The following SIL1 variants were observed in gnomAD, a reference collection of about 807,000 sequenced individuals.
SIL1 encodes SIL1 nucleotide exchange factor.
Under a neutral mutation model 49.1 loss-of-function variants are expected in SIL1, and 40 were observed. The ratio of observed to expected loss-of-function variants is 0.81; its 90% CI spans 0.63 to 1.06. SIL1 has a LOEUF of 1.06. Ranked by LOEUF, SIL1 falls within the 50% of genes least tolerant of loss-of-function variation. The pLI, the probability that SIL1 is intolerant of heterozygous loss-of-function variation, is 0.00. For missense variants in SIL1, 500 were observed against 572.6 expected (o/e 0.87, Z 1.29); for synonymous variants, 253 against 250.8 (o/e 1.01, Z -0.08).
At chr5:139,172,611 A>C (rs557200630) in intron 1 of SIL1, among the ~76,000 whole-genome samples, 4 of 150,972 alleles carry the variant, frequency 2.6e-5, no homozygotes, top group African/African-American at 9.7e-5. Context: ...CCGGCCGGGG[A>C]ATAGCGTGAG....
chr5:139,170,012 G>A (rs567374241), intron 1 of SIL1, among the ~76,000 whole-genome samples: 8 of 152,320 alleles, frequency 5.3e-5, no homozygotes, highest in Non-Finnish European at 8.8e-5. Context: ...GATTACAGGC[G>A]CGTGCTGCCA....
intron 3 of SIL1, among the ~76,000 whole-genome samples, chr5:139,082,981 A>G (rs1310308629): frequency 6.6e-6 from 1 of 152,228 alleles, no homozygotes; most frequent in Non-Finnish European, 1.5e-5. Flanking sequence ...CTCAAAAAGC[A>G]CTGAAGCAGC....
intron 4 of SIL1, among the ~76,000 whole-genome samples, chr5:139,044,058 T>C (rs925091465): frequency 2.6e-5 from 4 of 152,226 alleles, no homozygotes; most frequent in Non-Finnish European, 5.9e-5. Context: ...TTTAGGGCTC[T>C]GAGAAGAACA....
intron 6 of SIL1, among the ~76,000 whole-genome samples, chr5:139,023,567 A>T (rs1368085501): frequency 2.6e-5 from 4 of 152,242 alleles, no homozygotes; most frequent in Non-Finnish European, 4.4e-5. Context: ...CTGTTTCCAC[A>T]CACAAGGTTT....
At chr5:139,032,819 T>G (rs1307575276) in intron 5 of SIL1, 1 of 152,224 alleles carries the variant, frequency 6.6e-6, no homozygotes, top group African/African-American at 2.4e-5. Flanking sequence ...GACTATTTCA[T>G]GAAAGTTATC....
intron 1 of SIL1, among the ~76,000 whole-genome samples, chr5:139,160,054 A>G (rs1306061495): frequency 6.6e-6 from 1 of 151,962 alleles, no homozygotes; most frequent in Non-Finnish European, 1.5e-5. Flanking sequence ...CTGAGGTACC[A>G]TTACATGACA....
At chr5:139,099,755 A>G (rs1303942113) in intron 3 of SIL1, among the ~76,000 whole-genome samples, 1 of 152,226 alleles carries the variant, frequency 6.6e-6, no homozygotes, top group Admixed American at 6.5e-5. Context: ...TACAGCAGGT[A>G]GAAGGATGGT....
chr5:139,056,712 C>T (rs1241284642), intron 3 of SIL1, among the ~76,000 whole-genome samples: 3 of 150,488 alleles, frequency 2.0e-5, no homozygotes, highest in African/African-American at 4.9e-5. Context: ...CAGCCCCCCG[C>T]CCGGCCAGCC....
In SIL1 at chr5:139,126,464, T is replaced by C. The variant is rs146152848; in HGVS notation, c.105+1275A>G. On this transcript the variant is annotated intron_variant, in intron 2 of 9. Coordinates refer to ENST00000394817, the MANE Select transcript of SIL1 (RefSeq NM_022464.5). The stretch of plus-strand genomic sequence containing the variant: ...TGGGGAGCATGGCATCCTCATGAGG[T>C]ACAAGTTGGGGAGGGGACACAGCCC... Among the ~76,000 whole-genome samples the C allele has an allele frequency of 3.0e-4, 45 of 152,306 alleles. No homozygotes were observed. The East Asian group carries it at 6.9e-3, about 23-fold the overall frequency.
chr5:139,161,832 G>T (rs936020872), intron 1 of SIL1, among the ~76,000 whole-genome samples: 2 of 151,794 alleles, frequency 1.3e-5, no homozygotes, highest in African/African-American at 4.8e-5. Context: ...GGGCAACATG[G>T]CAAAACCCCA....
intron 1 of SIL1, among the ~76,000 whole-genome samples, chr5:139,191,759 C>T (rs1465574852): frequency 1.3e-5 from 2 of 152,166 alleles, no homozygotes; most frequent in African/African-American, 4.8e-5. Flanking sequence ...CCACTATACT[C>T]CAGCGTGGGC....
intron 1 of SIL1, among the ~76,000 whole-genome samples, chr5:139,153,196 TC>T (rs1751341848): frequency 6.6e-6 from 1 of 152,086 alleles, no homozygotes; most frequent in Admixed American, 6.6e-5. Context: ...CACATGTCAT[TC>T]CCTCTGCTTG....
At chr5:139,098,809 CTTTTTTTT>C (rs59863544) in intron 3 of SIL1, among the ~76,000 whole-genome samples, 1,098 of 89,106 alleles carry the variant, frequency 0.012, 17 homozygotes, top group East Asian at 0.034. Context: ...TTTTCTTACT[CTTTTTTTT>C]TTTTTTTTTT....
At chr5:139,025,311 A>C (rs1054387399) in intron 6 of SIL1, among the ~76,000 whole-genome samples, 5 of 152,220 alleles carry the variant, frequency 3.3e-5, no homozygotes, top group African/African-American at 1.2e-4. Context: ...TTAGGGTCAG[A>C]CAGACCTTGC....
At chr5:138,987,162 C>T (rs966253727) in intron 7 of SIL1, among the ~76,000 whole-genome samples, 19 of 149,278 alleles carry the variant, frequency 1.3e-4, no homozygotes, top group African/African-American at 4.7e-4. Flanking sequence ...GCTCTGTCAC[C>T]CAGGCTGGAG....
intron 3 of SIL1, among the ~76,000 whole-genome samples, chr5:139,117,354 T>G (rs1348383419): frequency 6.6e-6 from 1 of 152,160 alleles, no homozygotes; most frequent in African/African-American, 2.4e-5. Context: ...GAGACTCAGT[T>G]GTATCTGTAA....
intron 1 of SIL1, among the ~76,000 whole-genome samples, chr5:139,157,709 G>A (rs148278495): frequency 6.6e-6 from 1 of 152,310 alleles, no homozygotes; most frequent in East Asian, 1.9e-4. Flanking sequence ...AAATAATGAT[G>A]TCTTGGTAAC....
At chr5:139,028,777 G>A (rs1768720891) in intron 5 of SIL1, among the ~76,000 whole-genome samples, 1 of 152,204 alleles carries the variant, frequency 6.6e-6, no homozygotes, top group Admixed American at 6.5e-5. Flanking sequence ...ATGTATGTGT[G>A]TATGTGTATC....
At chr5:139,009,589 A>G (rs2150418243) in intron 7 of SIL1, among the ~76,000 whole-genome samples, 1 of 148,398 alleles carries the variant, frequency 6.7e-6, no homozygotes, top group Admixed American at 6.7e-5. Flanking sequence ...ATGATTTTGC[A>G]GCGGCTGGTA....
Sources: gnomAD v4.1 joint callset for allele counts (sites outside exome capture counted in the v4.1 genomes callset) on GRCh38, gnomAD v4.1.1 for gene constraint, MANE v1.5 for transcripts, NCBI Gene and HGNC (gene_info 2026-07-23, HGNC 2026-07-21) for gene names.